The following CFH variants were observed in gnomAD, a reference collection of about 807,000 sequenced individuals.
The protein encoded by CFH is H factor 1 (complement).
In CFH, 53 loss-of-function variants were observed where a neutral mutation model predicts 147.3. The ratio of observed to expected loss-of-function variants is 0.36; its 90% confidence interval spans 0.29 to 0.45. CFH has a LOEUF of 0.45. Ranked by LOEUF, CFH falls within the 20% of genes least tolerant of loss-of-function variation. CFH has a pLI of 1.00. For missense variants in CFH, 1,380 were observed against 1,498.0 expected (o/e 0.92, Z 1.30); for synonymous variants, 536 against 489.4 (o/e 1.10, Z -1.26).
intron 1 of CFH, among the ~76,000 whole-genome samples, chr1:196,660,440 C>T (rs1666860209): frequency 6.6e-6 from 1 of 152,140 alleles, no homozygotes. Context: ...ACAGGAATGA[C>T]ATGACCAGAT....
chr1:196,667,384 C>A (rs1667136774), intron 1 of CFH, among the ~76,000 whole-genome samples: 1 of 152,176 alleles, frequency 6.6e-6, no homozygotes. Context: ...ATTGTTCAGA[C>A]ACATTTGCAA....
At chr1:196,703,473 A>T (rs900747670) in intron 9 of CFH, among the ~76,000 whole-genome samples, 2 of 152,114 alleles carry the variant, frequency 1.3e-5, no homozygotes, top group Non-Finnish European at 2.9e-5. Context: ...GACCCAGACA[A>T]CACCCTCCAT....
chr1:196,718,687 C>T (rs1039139428), intron 11 of CFH, among the ~76,000 whole-genome samples: 2 of 152,006 alleles, frequency 1.3e-5, no homozygotes, highest in Non-Finnish European at 2.9e-5. Flanking sequence ...CAAAAAAGAA[C>T]ACAAAATTGT....
chr1:196,720,720 G>A (rs944582747), intron 11 of CFH, among the ~76,000 whole-genome samples: 3 of 151,684 alleles, frequency 2.0e-5, no homozygotes, highest in Non-Finnish European at 4.4e-5. Flanking sequence ...TGGACAATTA[G>A]TTTGATTCCA....
At chr1:196,699,949 A>T (rs1354470388) in intron 9 of CFH, among the ~76,000 whole-genome samples, 1 of 152,182 alleles carries the variant, frequency 6.6e-6, no homozygotes, top group African/African-American at 2.4e-5. Context: ...AATCTTTGTC[A>T]CTAGAATCTT....
chr1:196,692,752 TTCTTTCTTTCTTTCTTTC>T (rs1270954086), intron 9 of CFH, among the ~76,000 whole-genome samples: 2 of 9,760 alleles, frequency 2.0e-4, no homozygotes, highest in Non-Finnish European at 3.6e-4. Flanking sequence ...TTCTTTTTCT[TTCTTTCTTTCTTTCTTTC>T]TTTCTTTCTT....
intron 9 of CFH, among the ~76,000 whole-genome samples, chr1:196,704,051 G>A (rs1411922072): frequency 6.6e-6 from 1 of 150,742 alleles, no homozygotes; most frequent in Non-Finnish European, 1.5e-5. Flanking sequence ...CCCTTTGTTG[G>A]GGAAAGTCTT....
At chr1:196,687,030 A>G (rs904512680) in intron 7 of CFH, among the ~76,000 whole-genome samples, 6 of 152,242 alleles carry the variant, frequency 3.9e-5, no homozygotes, top group African/African-American at 1.4e-4. Context: ...AGGAATCTGC[A>G]TTAGGGCAGT....
intron 9 of CFH, among the ~76,000 whole-genome samples, chr1:196,702,691 A>C (rs1357986100): frequency 6.6e-6 from 1 of 152,152 alleles, no homozygotes; most frequent in Admixed American, 6.5e-5. Context: ...GATCTTATTC[A>C]CACTGACTCT....
intron 11 of CFH, among the ~76,000 whole-genome samples, chr1:196,717,987 T>C (rs34900334): frequency 0.011 from 1,733 of 152,184 alleles, 11 homozygotes; most frequent in Non-Finnish European, 0.018. Flanking sequence ...TGAGATTGAA[T>C]AGTGTGTGGG....
chr1:196,713,471 GACAA>G, intron 9 of CFH, among the ~76,000 whole-genome samples: 1 of 152,214 alleles, frequency 6.6e-6, no homozygotes, highest in East Asian at 1.9e-4. Context: ...AAATCCATTA[GACAA>G]ACAGATTTCC....
chr1:196,672,951 C>T (rs778413105), intron 1 of CFH, 27 bp from the exon 2 acceptor site: 3 of 1,579,838 alleles, frequency 1.9e-6, no homozygotes, highest in Admixed American at 3.3e-5. Flanking sequence ...ACACTTTATG[C>T]ACTTATTTTG....
intron 20 of CFH, among the ~76,000 whole-genome samples, chr1:196,745,318 A>G (rs551686288): frequency 1.1e-3 from 160 of 151,818 alleles, no homozygotes; most frequent in Non-Finnish European, 1.8e-3. Flanking sequence ...ATTTTTCTGA[A>G]TGTCTCAGTT....
intron 1 of CFH, 90 bp downstream of exon 1, chr1:196,652,265 G>C: frequency 9.8e-7 from 1 of 1,021,842 alleles, no homozygotes; most frequent in South Asian, 1.3e-5. Flanking sequence ...ATTTGATTTA[G>C]AAAATGTGCT....
rs773229209 is a variant in CFH, at chr1:196,734,272, A to C, written c.2414-2552A>C. ...GTAGGAGTCCCTTTACTGGTCTTTCATTTTCTTTCAGGAGGAGTTCATTTA... is the reference window on the plus strand; with the variant it reads ...GTAGGAGTCCCTTTACTGGTCTTTCCTTTTCTTTCAGGAGGAGTTCATTTA... On this transcript the variant is annotated intron_variant, in intron 15 of 21. Coordinates refer to ENST00000367429, the MANE Select transcript of CFH (RefSeq NM_000186.4). 3.4e-4 allele frequency among the ~76,000 whole-genome samples: 52 copies of C among 151,762 alleles called. 1 individual carries two copies. The highest frequency in any genetic ancestry group is 8.8e-5 in the Non-Finnish European group (6 of 67,944).
At chr1:196,719,090 A>G (rs1464165646) in intron 11 of CFH, among the ~76,000 whole-genome samples, 3 of 152,028 alleles carry the variant, frequency 2.0e-5, no homozygotes, top group African/African-American at 7.2e-5. Flanking sequence ...AGAGTTAAAA[A>G]TTCATATTAA....
intron 9 of CFH, among the ~76,000 whole-genome samples, chr1:196,691,900 G>A (rs576548434): frequency 6.6e-6 from 1 of 151,800 alleles, no homozygotes; most frequent in Admixed American, 6.6e-5. Context: ...AAAATATTTT[G>A]TGTTGATTTT....
intron 9 of CFH, among the ~76,000 whole-genome samples, chr1:196,692,004 AT>A (rs986318421): frequency 3.3e-5 from 5 of 151,994 alleles, no homozygotes; most frequent in African/African-American, 1.2e-4. Flanking sequence ...CAAACAGTAT[AT>A]TTTTTATTGT....
intron 1 of CFH, among the ~76,000 whole-genome samples, chr1:196,665,477 G>A (rs959498567): frequency 6.6e-6 from 1 of 151,688 alleles, no homozygotes; most frequent in Non-Finnish European, 1.5e-5. Context: ...AAACATATAT[G>A]TATTTATTTT....
Sources: allele counts gnomAD v4.1 joint callset (sites outside exome capture counted in the v4.1 genomes callset), GRCh38; gene constraint gnomAD v4.1.1; transcripts MANE v1.5; gene names NCBI Gene and HGNC (gene_info 2026-07-23, HGNC 2026-07-21).